CLUAP1: variants seen among roughly 807,000 people sequenced by gnomAD.
The protein encoded by CLUAP1 is clusterin-associated protein 1.
Under a neutral mutation model 55.0 loss-of-function variants are expected in CLUAP1, and 50 were observed. The ratio of observed to expected loss-of-function variants is 0.91; its 90% CI spans 0.72 to 1.15. The LOEUF is 1.15. CLUAP1 is among the 50% of genes most tolerant of loss of function. The probability of loss-of-function intolerance (pLI) is 0.00; values close to 1 mark genes in which losing one functional copy is unlikely to be tolerated. For synonymous variants in CLUAP1, 195 were observed against 175.4 expected (o/e 1.11, Z -0.88); for missense variants, 530 against 507.6 (o/e 1.04, Z -0.42).
At chr16:3,520,778 A>G (rs59180693) in intron 7 of CLUAP1, among the ~76,000 whole-genome samples, 5,902 of 152,268 alleles carry the variant, frequency 0.039, 308 homozygotes, top group African/African-American at 0.12. Flanking sequence ...TCAGTAATTC[A>G]TCTTTCTTCC....
In CLUAP1 at chr16:3,529,558, TTATTATA is replaced by T. The variant is rs1438799220; in HGVS notation, c.929-993_929-987del. On this transcript the variant is annotated intron_variant, in intron 9 of 11. Coordinates refer to ENST00000576634, the MANE Select transcript of CLUAP1 (RefSeq NM_015041.3). ...GTTATATATTATTATATATTATATA[TTATTATA>T]TATTATATATTATATAATATTATAT... 1.6e-3 allele frequency among the ~76,000 whole-genome samples: 75 copies of T among 47,578 alleles called. 1 individual carries two copies. The highest frequency in any genetic ancestry group is 2.1e-3 in the Non-Finnish European group (62 of 29,688). 31.2% of individuals were successfully genotyped at this position (47,578 alleles called of 152,430 possible).
chr16:3,524,218 C>A (rs1434577282), intron 8 of CLUAP1, among the ~76,000 whole-genome samples: 1 of 151,290 alleles, frequency 6.6e-6, no homozygotes, highest in South Asian at 2.1e-4. Flanking sequence ...GGAAGGATTG[C>A]TTGAGCCTGG....
intron 11 of CLUAP1, chr16:3,533,489 G>T (rs904695131): frequency 6.4e-6 from 2 of 310,310 alleles, no homozygotes; most frequent in East Asian, 6.0e-5. Flanking sequence ...ACTGTCCCCA[G>T]ACCAGGCCCT....
chr16:3,516,638 A>T (rs1327165316), intron 6 of CLUAP1, among the ~76,000 whole-genome samples: 2 of 152,216 alleles, frequency 1.3e-5, no homozygotes, highest in African/African-American at 4.8e-5. Flanking sequence ...CAATATATAG[A>T]TAGGTATAGG....
chr16:3,526,379 A>G, intron 8 of CLUAP1, 33 bp from the exon 9 acceptor site: 3 of 1,507,158 alleles, frequency 2.0e-6, no homozygotes, highest in South Asian at 2.4e-5. Context: ...GAAAAGGGCC[A>G]TCTCTCCTGA....
chr16:3,497,075 T>C (rs374699628), upstream of CLUAP1, among the ~76,000 whole-genome samples: 4 of 152,226 alleles, frequency 2.6e-5, no homozygotes, highest in East Asian at 5.8e-4. Context: ...TTCGCCATGT[T>C]GGCCAGGCTG....
At chr16:3,508,525 A>C (rs1475258206) in intron 4 of CLUAP1, 57 bp downstream of exon 4, 2 of 1,438,810 alleles carry the variant, frequency 1.4e-6, no homozygotes, top group Non-Finnish European at 1.8e-6. Flanking sequence ...TTGAGCTCTG[A>C]AGTGGAAGGA....
intron 9 of CLUAP1, among the ~76,000 whole-genome samples, chr16:3,529,470 TTA>T (rs2038019921): frequency 1.4e-5 from 1 of 72,144 alleles, no homozygotes; most frequent in Admixed American, 2.5e-4. Flanking sequence ...ATAATATATA[TTA>T]TATTATATAT....
intron 4 of CLUAP1, among the ~76,000 whole-genome samples, chr16:3,509,409 G>A (rs59250703): frequency 0.034 from 5,190 of 152,314 alleles, 247 homozygotes; most frequent in African/African-American, 0.1. Flanking sequence ...GGAACCTTCT[G>A]TGCTTATTTC....
chr16:3,511,615 C>T (rs1344418286), intron 4 of CLUAP1, among the ~76,000 whole-genome samples: 2 of 152,190 alleles, frequency 1.3e-5, no homozygotes, highest in East Asian at 1.9e-4. Flanking sequence ...GCTCTGCTGC[C>T]GTCAGGCACC....
chr16:3,507,880 C>T (rs1302744960), intron 3 of CLUAP1, among the ~76,000 whole-genome samples: 3 of 151,968 alleles, frequency 2.0e-5, no homozygotes, highest in Non-Finnish European at 4.4e-5. Context: ...TCTGTTTACG[C>T]CTGAGTGGTA....
At position 3,537,133 on chromosome 16, in the gene CLUAP1, T is replaced by C. The variant is rs2038248448; in HGVS notation, c.*862T>C. ...AAGGAGCTTTGTTTTGTCTAAAGTG[T>C]GGCAAGACATAGTGCACAACACAGG... is the stretch of plus-strand genomic sequence containing the variant. On this transcript the variant is annotated 3_prime_UTR_variant, in exon 12 of 12. Coordinates refer to ENST00000576634, the MANE Select transcript of CLUAP1 (RefSeq NM_015041.3). 1 of 152,218 alleles carries C rather than the reference T, an allele frequency of 6.6e-6. No individual in the cohort carries two copies. The highest frequency in any genetic ancestry group is 2.4e-5 in the African/African-American group (1 of 41,456). The allele number at this position is 152,218 out of a possible 1,614,324, so 9.4% of individuals were successfully genotyped here. A position where few individuals can be genotyped will look rare whatever the true frequency, so the allele number is the denominator to read the frequency against.
At chr16:3,497,323 CAAAGAATAA>C (rs1157753105), upstream of CLUAP1, among the ~76,000 whole-genome samples, 1 of 151,730 alleles carries the variant, frequency 6.6e-6, no homozygotes, top group African/African-American at 2.4e-5. Context: ...TAGATACTAG[CAAAGAATAA>C]AAAGAATAAA....
At chr16:3,528,228 T>G (rs1466534862) in intron 9 of CLUAP1, among the ~76,000 whole-genome samples, 2 of 152,166 alleles carry the variant, frequency 1.3e-5, no homozygotes, top group Non-Finnish European at 2.9e-5. Context: ...TGCCCTTTCT[T>G]TTCTTCAGGG....
rs1164109852 is a variant in CLUAP1 at position 3,519,984 on chromosome 16, A to C, written c.661A>C (p.Lys221Gln). 6.2e-7 allele frequency: 1 copy of C among 1,613,880 alleles called. No individual in the cohort carries two copies. The highest frequency in any genetic ancestry group is 1.1e-5 in the South Asian group (1 of 90,964). The change falls in exon 7 of 12, where the codon AAA becomes CAA. Residue 221 changes from lysine to glutamine, a missense_variant. Coordinates refer to ENST00000576634, the MANE Select transcript of CLUAP1 (RefSeq NM_015041.3). ...TTTAGAAGCCAAAATCGAAAAGAGA[A>C]AATTAGAACTGGAAAGAAATCGGAA... Reference protein sequence around the residue: ...ANLEAKIEKRKLELERNRKRL... With the variant: ...ANLEAKIEKRQLELERNRKRL...
At chr16:3,514,940 A>G (rs1380472122) in intron 5 of CLUAP1, among the ~76,000 whole-genome samples, 1 of 152,196 alleles carries the variant, frequency 6.6e-6, no homozygotes, top group East Asian at 1.9e-4. Flanking sequence ...TGATAGGTTA[A>G]TGGTTCATGC....
intron 3 of CLUAP1, among the ~76,000 whole-genome samples, chr16:3,506,686 A>G (rs776129014): frequency 1.3e-5 from 2 of 151,904 alleles, no homozygotes; most frequent in Non-Finnish European, 1.5e-5. Flanking sequence ...CATTTTTAGT[A>G]GAGACTGGGT....
At position 3,532,692 on chromosome 16, in the gene CLUAP1, C is replaced by T. The variant is rs1243215914; in HGVS notation, c.1037-94C>T. ...AAATTCCTGGGATTATACGCAAAAG[C>T]CAACATGCCTGGCCAGAAAACAAAT... On this transcript the variant is annotated intron_variant, in intron 10 of 11. Transcript: ENST00000576634. 5 of 1,352,684 alleles carry T rather than the reference C, an allele frequency of 3.7e-6. No individual in the cohort carries two copies. The East Asian group carries it at 1.2e-4, about 31-fold the overall frequency. 83.8% of individuals were successfully genotyped at this position (1,352,684 alleles called of 1,614,324 possible). A position where few individuals can be genotyped will look rare whatever the true frequency, so the allele number is the denominator to read the frequency against.
intron 4 of CLUAP1, among the ~76,000 whole-genome samples, chr16:3,509,506 G>A (rs2037578278): frequency 6.6e-6 from 1 of 152,246 alleles, no homozygotes; most frequent in Non-Finnish European, 1.5e-5. Flanking sequence ...TTTGGAGAGT[G>A]AGGGGTGACC....
Sources: gnomAD v4.1 joint callset for allele counts (sites outside exome capture counted in the v4.1 genomes callset) on GRCh38, gnomAD v4.1.1 for gene constraint, MANE v1.5 for transcripts, NCBI Gene and HGNC (gene_info 2026-07-23, HGNC 2026-07-21) for gene names.